Variants in MEMO1 observed in about 807,000 individuals in gnomAD.
MEMO1 encodes the protein protein MEMO1.
A neutral mutation model predicts 45.2 loss-of-function variants in MEMO1; 6 were observed. That is an observed-to-expected ratio of 0.13 (90% confidence interval 0.07 to 0.26). The LOEUF is 0.26. Among genes scored for constraint, MEMO1 ranks in the 10% least tolerant of loss-of-function variants. The pLI, the probability that MEMO1 is intolerant of heterozygous loss-of-function variation, is 1.00. For missense variants in MEMO1, 184 were observed against 370.5 expected (o/e 0.50, Z 4.13); for synonymous variants, 78 against 124.3 (o/e 0.63, Z 2.48).
intron 2 of MEMO1, among the ~76,000 whole-genome samples, chr2:32,000,639 T>C (rs1290698004): frequency 6.6e-6 from 1 of 152,188 alleles, no homozygotes. Flanking sequence ...GTGCAGGGAT[T>C]ACAAGCGTGA....
intron 6 of MEMO1, among the ~76,000 whole-genome samples, chr2:31,898,731 C>T (rs947564704): frequency 5.9e-5 from 9 of 152,272 alleles, no homozygotes; most frequent in East Asian, 3.9e-4. Context: ...ATTAGGTCTG[C>T]GTGGTCCAGA....
intron 3 of MEMO1, among the ~76,000 whole-genome samples, chr2:31,935,770 G>A (rs1163595272): frequency 3.3e-5 from 5 of 151,948 alleles, no homozygotes; most frequent in Non-Finnish European, 7.4e-5. Flanking sequence ...CAGACCCTGC[G>A]ATTCTACATG....
intron 2 of MEMO1, among the ~76,000 whole-genome samples, chr2:31,977,259 G>A (rs916081209): frequency 6.6e-6 from 1 of 152,130 alleles, no homozygotes; most frequent in African/African-American, 2.4e-5. Context: ...CCTAGGTTAA[G>A]CAGTTTGCTC....
At chr2:31,973,444 AC>A (rs1265888259) in intron 2 of MEMO1, among the ~76,000 whole-genome samples, 1 of 151,616 alleles carries the variant, frequency 6.6e-6, no homozygotes, top group Non-Finnish European at 1.5e-5. Flanking sequence ...ACAGAGCAAG[AC>A]TCTGTCTCGG....
intron 5 of MEMO1, among the ~76,000 whole-genome samples, chr2:31,920,265 T>C (rs1383607661): frequency 6.6e-6 from 1 of 152,002 alleles, no homozygotes; most frequent in African/African-American, 2.4e-5. Context: ...TCTGGACGCC[T>C]ATGGAAAAAA....
At chr2:31,912,208 C>T (rs935026693) in intron 6 of MEMO1, among the ~76,000 whole-genome samples, 26 of 151,878 alleles carry the variant, frequency 1.7e-4, no homozygotes, top group Non-Finnish European at 1.3e-4. Context: ...TGGTGGTGGG[C>T]GCCTGTAATC....
intron 2 of MEMO1, among the ~76,000 whole-genome samples, chr2:31,988,317 C>A (rs1182215274): frequency 6.6e-6 from 1 of 152,142 alleles, no homozygotes; most frequent in Non-Finnish European, 1.5e-5. Flanking sequence ...GAGGCTGAGG[C>A]AGGCGGATCA....
At chr2:31,943,221 T>A in intron 3 of MEMO1, 81 bp downstream of exon 3, 12 of 989,206 alleles carry the variant, frequency 1.2e-5, no homozygotes, top group Non-Finnish European at 1.3e-5. Context: ...GCCGAGACCA[T>A]GCCACTGTAC....
chr2:31,921,640 T>C (rs1223166761), intron 4 of MEMO1, among the ~76,000 whole-genome samples: 2 of 152,154 alleles, frequency 1.3e-5, no homozygotes, highest in Non-Finnish European at 2.9e-5. Context: ...CCTTCTAAGA[T>C]CCACCATGAT....
intron 9 of MEMO1, 76 bp from the exon 10 acceptor site, chr2:31,868,568 T>C: frequency 1.4e-6 from 2 of 1,381,674 alleles, no homozygotes; most frequent in South Asian, 1.8e-5. Flanking sequence ...CGGTTTGACT[T>C]TGTCCACTTC....
rs562754893 is a variant in MEMO1 at position 31,889,217 on chromosome 2, C to T, written c.580+2775G>A. ...AATAATCAAAACAAAGAAACTTCCA[C>T]TGTGTGTAGCTGAGTAATTTTTCAA... is the stretch of plus-strand genomic sequence containing the variant. On this transcript the variant is annotated intron_variant, in intron 7 of 9. Coordinates refer to ENST00000404530, the MANE Select transcript of MEMO1 (RefSeq NM_001301833.4). Among the ~76,000 whole-genome samples, 3 of 152,118 alleles carry T rather than the reference C, an allele frequency of 2.0e-5. No individual in the cohort carries two copies. The South Asian group carries it at 6.2e-4, about 32-fold the overall frequency.
intron 4 of MEMO1, chr2:31,923,507 T>A: frequency 1.0e-6 from 1 of 1,004,762 alleles, no homozygotes; most frequent in Non-Finnish European, 1.3e-6. Context: ...AAGATAGCAC[T>A]CTGGTCACCT....
At chr2:32,010,476 A>C in intron 1 of MEMO1, 1 of 357,594 alleles carries the variant, frequency 2.8e-6, no homozygotes, top group Non-Finnish European at 5.3e-6. Context: ...AATCACCACA[A>C]ACTCCGGCGA....
chr2:31,978,726 G>GGCCTGGC (rs1421347114), intron 2 of MEMO1, among the ~76,000 whole-genome samples: 4 of 152,276 alleles, frequency 2.6e-5, no homozygotes, highest in Non-Finnish European at 5.9e-5. Flanking sequence ...GGCCTAAAAT[G>GGCCTGGC]CATATTCTCA....
chr2:31,949,539 TA>T (rs986196232), intron 2 of MEMO1, among the ~76,000 whole-genome samples: 5 of 133,242 alleles, frequency 3.8e-5, no homozygotes, highest in Admixed American at 2.6e-4. Context: ...TTGTGGGATC[TA>T]AAAAAAAACA....
chr2:31,920,714 T>A lies in MEMO1; in HGVS notation c.325+84A>T, dbSNP rs1259972894. 6.1e-6 allele frequency: 4 copies of A among 660,040 alleles called. No homozygotes were observed. The Admixed American group carries it at 9.8e-5, about 16-fold the overall frequency. 40.9% of individuals were successfully genotyped at this position (660,040 alleles called of 1,614,324 possible). On this transcript the variant is annotated intron_variant, in intron 5 of 9. Coordinates refer to ENST00000404530, the MANE Select transcript of MEMO1 (RefSeq NM_001301833.4). ...TTAAATATTGAGATATTACTTATGA[T>A]ATTCATAAGTTTTTAAATTAATTTA...
intron 6 of MEMO1, among the ~76,000 whole-genome samples, chr2:31,916,390 C>G (rs1421533641): frequency 1.3e-5 from 2 of 151,982 alleles, no homozygotes; most frequent in African/African-American, 4.8e-5. Flanking sequence ...CACCACACAC[C>G]GCTAATTTTT....
At chr2:32,007,032 C>T (rs933093716) in intron 2 of MEMO1, among the ~76,000 whole-genome samples, 2 of 149,928 alleles carry the variant, frequency 1.3e-5, no homozygotes, top group Non-Finnish European at 3.0e-5. Context: ...TCCTAAAATG[C>T]TATTTGCATC....
intron 2 of MEMO1, among the ~76,000 whole-genome samples, chr2:31,977,019 G>C (rs1237464808): frequency 6.6e-6 from 1 of 151,992 alleles, no homozygotes. Context: ...AAACAAGGTA[G>C]GATATATACA....
Sources: allele counts gnomAD v4.1 joint callset (sites outside exome capture counted in the v4.1 genomes callset), GRCh38; gene constraint gnomAD v4.1.1; transcripts MANE v1.5; gene names NCBI Gene and HGNC (gene_info 2026-07-23, HGNC 2026-07-21).